The following EPM2A variants were observed in gnomAD, a reference collection of about 807,000 sequenced individuals.
EPM2A encodes EPM2A glucan phosphatase, laforin, also known as laforin.
A neutral mutation model predicts 26.5 loss-of-function variants in EPM2A; 21 were observed. The ratio of observed to expected loss-of-function variants is 0.79; its 90% confidence interval spans 0.56 to 1.14. The LOEUF is 1.14. EPM2A is among the 50% of genes most tolerant of loss of function. The pLI is 0.00. For missense variants in EPM2A, 458 were observed against 440.8 expected (o/e 1.04, Z -0.35); for synonymous variants, 217 against 177.6 (o/e 1.22, Z -1.76).
chr6:145,668,570 C>T (rs958278920), intron 2 of EPM2A, among the ~76,000 whole-genome samples: 2 of 151,962 alleles, frequency 1.3e-5, no homozygotes, highest in Non-Finnish European at 2.9e-5. Flanking sequence ...TACTCTGGGG[C>T]AAGAAAGTAG....
chr6:145,620,692 C>T (rs1775614631), downstream of EPM2A, among the ~76,000 whole-genome samples: 2 of 152,156 alleles, frequency 1.3e-5, no homozygotes, highest in South Asian at 2.1e-4. Flanking sequence ...AGGTCCAGCT[C>T]TCCATTCTTT....
intron 4 of EPM2A, chr6:145,463,298 T>C (rs924296750): frequency 6.6e-6 from 1 of 152,058 alleles, no homozygotes. Context: ...TTTTCCACAT[T>C]AGGGGAAGTC....
chr6:145,432,676 G>A (rs34283098), intron 4 of EPM2A, among the ~76,000 whole-genome samples: 57 of 152,096 alleles, frequency 3.7e-4, no homozygotes, highest in Non-Finnish European at 7.5e-4. Context: ...AATGAGTATT[G>A]TCTTCAACTT....
chr6:145,658,477 G>A (rs963530476), intron 2 of EPM2A, among the ~76,000 whole-genome samples: 9 of 152,280 alleles, frequency 5.9e-5, no homozygotes, highest in African/African-American at 2.2e-4. Flanking sequence ...TTAAAAAGCA[G>A]AAATCCCAGT....
rs544063286 is a variant in EPM2A, at chr6:145,627,069, A to G, written c.*347T>C. 21 of 1,193,090 alleles carry G rather than the reference A, an allele frequency of 1.8e-5. No individual in the cohort carries two copies. The Admixed American group carries it at 8.3e-4, about 47-fold the overall frequency. The allele number at this position is 1,193,090 out of a possible 1,614,324, so 73.9% of individuals were successfully genotyped here. The stretch of plus-strand genomic sequence containing the variant: ...TGGCCAAGAGTTTCAGTGCAACAGG[A>G]AAGTGCTGTCACGGATCCATCGTGC... On this transcript the variant is annotated 3_prime_UTR_variant, in exon 4 of 4. Coordinates refer to ENST00000367519, the MANE Select transcript of EPM2A (RefSeq NM_005670.4).
chr6:145,604,339 C>T (rs1781455201), intron 2 of EPM2A, among the ~76,000 whole-genome samples: 1 of 151,988 alleles, frequency 6.6e-6, no homozygotes, highest in Non-Finnish European at 1.5e-5. Context: ...ATATCATACT[C>T]GAAAAATAAC....
At chr6:145,732,142 G>A (rs1265664565) in intron 1 of EPM2A, among the ~76,000 whole-genome samples, 1 of 151,682 alleles carries the variant, frequency 6.6e-6, no homozygotes, top group Non-Finnish European at 1.5e-5. Flanking sequence ...ATTTAAAACA[G>A]TGCAACTAAC....
chr6:145,438,599 G>C (rs1779019735), intron 4 of EPM2A, among the ~76,000 whole-genome samples: 1 of 150,182 alleles, frequency 6.7e-6, no homozygotes, highest in Non-Finnish European at 1.5e-5. Flanking sequence ...TCAGCCTCCT[G>C]AGTAGCCGGG....
rs1251365687 is a variant in EPM2A at position 145,514,561 on chromosome 6, A to G, written c.341-11986T>C. ...ATGTGTTTTTAGATAGATAAATACT[A>G]TAACAGTTATATTTGCCTGGAAACT... On this transcript the variant is annotated intron_variant, in intron 2 of 3. Coordinates refer to the EPM2A transcript ENST00000450221. 3.3e-5 allele frequency among the ~76,000 whole-genome samples: 5 copies of G among 152,188 alleles called. No individual in the cohort carries two copies. The South Asian group carries it at 8.3e-4, about 25-fold the overall frequency.
At chr6:145,695,853 A>T (rs1325774690) in intron 1 of EPM2A, among the ~76,000 whole-genome samples, 1 of 152,040 alleles carries the variant, frequency 6.6e-6, no homozygotes, top group Non-Finnish European at 1.5e-5. Flanking sequence ...GGACTTTAAT[A>T]CTCCACTTTC....
chr6:145,585,582 A>C (rs985184041), intron 2 of EPM2A, among the ~76,000 whole-genome samples: 1 of 151,984 alleles, frequency 6.6e-6, no homozygotes, highest in African/African-American at 2.4e-5. Context: ...CCTTCTCTCA[A>C]CTTTTCTAAT....
At chr6:145,441,385 G>A (rs921179412) in intron 4 of EPM2A, among the ~76,000 whole-genome samples, 4 of 152,190 alleles carry the variant, frequency 2.6e-5, no homozygotes, top group Non-Finnish European at 4.4e-5. Flanking sequence ...AGGGACTGCT[G>A]AGAAGACCTC....
At chr6:145,726,331 G>A (rs184439783) in intron 1 of EPM2A, among the ~76,000 whole-genome samples, 1 of 151,902 alleles carries the variant, frequency 6.6e-6, no homozygotes, top group African/African-American at 2.4e-5. Context: ...AATTGAATAG[G>A]TAAATAAATG....
chr6:145,651,888 T>C (rs2128578866), intron 2 of EPM2A, among the ~76,000 whole-genome samples: 1 of 152,278 alleles, frequency 6.6e-6, no homozygotes, highest in East Asian at 1.9e-4. Context: ...TTGTATGTTT[T>C]ATTTCCAAGA....
At chr6:145,568,241 G>T (rs999476949) in intron 2 of EPM2A, among the ~76,000 whole-genome samples, 2 of 151,938 alleles carry the variant, frequency 1.3e-5, no homozygotes, top group Non-Finnish European at 2.9e-5. Flanking sequence ...TTTCAAGTGA[G>T]AAACTGAGCC....
intron 4 of EPM2A, among the ~76,000 whole-genome samples, chr6:145,422,074 TATAG>T (rs1212704333): frequency 1.5e-5 from 2 of 132,982 alleles, no homozygotes; most frequent in South Asian, 2.3e-4. Flanking sequence ...TATATATATA[TATAG>T]AGAGAGAGAG....
In EPM2A at chr6:145,567,569, G is replaced by A. The variant is rs145959601; in HGVS notation, c.341-64994C>T. Among the ~76,000 whole-genome samples the A allele has an allele frequency of 3.0e-4, 45 of 152,286 alleles. No individual in the cohort carries two copies. In the East Asian group the frequency reaches 7.5e-3, roughly 25 times the overall value. On this transcript the variant is annotated intron_variant, in intron 2 of 3. Transcript: ENST00000450221. Reference sequence around the variant, plus strand: ...TGTACCAACACATGTGCTCCTAGCCGGTTGGCCAGAACTAGCCACAAGGCC... The same window carrying A: ...TGTACCAACACATGTGCTCCTAGCCAGTTGGCCAGAACTAGCCACAAGGCC...
chr6:145,586,332 A>G (rs764351310), intron 2 of EPM2A, among the ~76,000 whole-genome samples: 2 of 151,876 alleles, frequency 1.3e-5, no homozygotes, highest in Non-Finnish European at 2.9e-5. Context: ...TCTGTAAAAA[A>G]GAATTTAACG....
intron 1 of EPM2A, among the ~76,000 whole-genome samples, chr6:145,726,548 T>A (rs1000156852): frequency 6.6e-6 from 1 of 152,016 alleles, no homozygotes; most frequent in African/African-American, 2.4e-5. Context: ...AACTACATGA[T>A]CAAAGTCATC....
Sources: gnomAD v4.1 joint callset for allele counts (sites outside exome capture counted in the v4.1 genomes callset) on GRCh38, gnomAD v4.1.1 for gene constraint, MANE v1.5 for transcripts, NCBI Gene and HGNC (gene_info 2026-07-23, HGNC 2026-07-21) for gene names.